GNG7: variants seen among roughly 807,000 people sequenced by gnomAD.
GNG7 encodes guanine nucleotide-binding protein G(I)/G(S)/G(O) subunit gamma-7.
Under a neutral mutation model 4.0 loss-of-function variants are expected in GNG7, and 1 was observed. The observed-to-expected ratio is 0.25, with a 90% CI of 0.09 to 1.18. The LOEUF is 1.18. Ranked by LOEUF, GNG7 falls within the 50% of genes most tolerant of loss-of-function variation. GNG7 has a pLI of 0.50. For synonymous variants in GNG7, 34 were observed against 36.9 expected (o/e 0.92, Z 0.29); for missense variants, 86 against 91.9 (o/e 0.94, Z 0.26).
chr19:2,553,178 G>C (rs923313611), intron 3 of GNG7, among the ~76,000 whole-genome samples: 1 of 147,716 alleles, frequency 6.8e-6, no homozygotes, highest in South Asian at 2.1e-4. Context: ...ACGCAGAAAC[G>C]AAAGGAGGAC....
intron 4 of GNG7, among the ~76,000 whole-genome samples, chr19:2,517,561 C>T (rs1972752896): frequency 6.6e-6 from 1 of 152,112 alleles, no homozygotes; most frequent in African/African-American, 2.4e-5. Flanking sequence ...GACGGGGTTT[C>T]ACCATGTTGG....
At chr19:2,700,783 C>T (rs956888833) in intron 1 of GNG7, 1 of 152,186 alleles carries the variant, frequency 6.6e-6, no homozygotes, top group Admixed American at 6.5e-5. Context: ...GAGGCTGGGT[C>T]GGAACACACA....
chr19:2,536,977 C>T (rs1380775760), intron 3 of GNG7, among the ~76,000 whole-genome samples: 4 of 149,574 alleles, frequency 2.7e-5, no homozygotes, highest in East Asian at 1.9e-4. Context: ...GACGGAGTCT[C>T]GCTCTGTCGC....
chr19:2,663,770 C>T (rs1353501940), intron 1 of GNG7, among the ~76,000 whole-genome samples: 1 of 152,186 alleles, frequency 6.6e-6, no homozygotes, highest in Non-Finnish European at 1.5e-5. Flanking sequence ...ATGCCAGCAC[C>T]AGTTTTTAAA....
intron 3 of GNG7, among the ~76,000 whole-genome samples, chr19:2,533,476 G>A (rs1024823882): frequency 1.3e-5 from 2 of 152,088 alleles, no homozygotes; most frequent in Admixed American, 6.6e-5. Flanking sequence ...TGTTGGTTGA[G>A]CTGTTGGTGT....
At chr19:2,696,377 G>C (rs1415775331) in intron 1 of GNG7, among the ~76,000 whole-genome samples, 1 of 150,334 alleles carries the variant, frequency 6.7e-6, no homozygotes, top group Admixed American at 6.7e-5. Context: ...AGAAAGGAAA[G>C]GAAGGGAAGA....
chr19:2,685,737 C>T (rs138936274), intron 1 of GNG7, among the ~76,000 whole-genome samples: 85 of 152,258 alleles, frequency 5.6e-4, no homozygotes, highest in Non-Finnish European at 1.0e-3. Context: ...GTGTGTCAAA[C>T]GTCGGATGCC....
chr19:2,553,383 C>CATATATATAT (rs200287140), intron 3 of GNG7, among the ~76,000 whole-genome samples: 2,834 of 127,476 alleles, frequency 0.022, 38 homozygotes, highest in South Asian at 0.027. Flanking sequence ...TGGTGCTGAG[C>CATATATATAT]ATATATATAT....
At chr19:2,616,643 GC>G (rs1350072819) in intron 2 of GNG7, among the ~76,000 whole-genome samples, 1 of 152,012 alleles carries the variant, frequency 6.6e-6, no homozygotes, top group African/African-American at 2.4e-5. Context: ...GGGCATGGTG[GC>G]GGGTGCCTGT....
chr19:2,567,630 T>A (rs1979964025), intron 2 of GNG7, among the ~76,000 whole-genome samples: 1 of 152,128 alleles, frequency 6.6e-6, no homozygotes, highest in Non-Finnish European at 1.5e-5. Context: ...TGGGCCGGTG[T>A]CCTCTGTCGT....
chr19:2,524,377 T>C (rs1005486366), intron 3 of GNG7, among the ~76,000 whole-genome samples: 3 of 152,250 alleles, frequency 2.0e-5, no homozygotes, highest in African/African-American at 7.2e-5. Flanking sequence ...ATGATGCACA[T>C]GTGACTGTAC....
At chr19:2,692,267 G>C (rs976251283) in intron 1 of GNG7, among the ~76,000 whole-genome samples, 1 of 151,638 alleles carries the variant, frequency 6.6e-6, no homozygotes, top group East Asian at 1.9e-4. Context: ...ATCTGCATTT[G>C]AACTTGGCTG....
At chr19:2,665,400 G>A (rs1355470270) in intron 1 of GNG7, among the ~76,000 whole-genome samples, 1 of 150,738 alleles carries the variant, frequency 6.6e-6, no homozygotes, top group East Asian at 2.0e-4. Context: ...GTGCTGGACA[G>A]TCCTCGCCAC....
At chr19:2,543,549 G>C (rs1460897509) in intron 3 of GNG7, among the ~76,000 whole-genome samples, 1 of 152,094 alleles carries the variant, frequency 6.6e-6, no homozygotes, top group African/African-American at 2.4e-5. Flanking sequence ...TCACAGCCCT[G>C]AGATGAGGGT....
At chr19:2,534,068 T>G (rs542963118) in intron 3 of GNG7, among the ~76,000 whole-genome samples, 6 of 152,174 alleles carry the variant, frequency 3.9e-5, no homozygotes, top group Non-Finnish European at 8.8e-5. Context: ...TTTCAGGAGT[T>G]TACTAGTGAC....
rs1023755396 is a variant in GNG7 at position 2,551,686 on chromosome 19, T to TATAC, written c.-38+3462_-38+3463insGTAT. Among the ~76,000 whole-genome samples the TATAC allele has an allele frequency of 3.7e-4, 35 of 94,826 alleles. No individual in the cohort carries two copies. In the Middle Eastern group the frequency reaches 0.013, roughly 36 times the overall value. 62.2% of individuals were successfully genotyped at this position (94,826 alleles called of 152,430 possible). ...TATATATTTAAAAAATATATATATA[T>TATAC]ACACACACATATTTTGAGACAGAGT... is the stretch of plus-strand genomic sequence containing the variant. On this transcript the variant is annotated intron_variant, in intron 3 of 4. Transcript: ENST00000382159.
chr19:2,536,276 G>A (rs183497456), intron 3 of GNG7, among the ~76,000 whole-genome samples: 1 of 152,160 alleles, frequency 6.6e-6, no homozygotes, highest in East Asian at 1.9e-4. Context: ...ACAGTAGCTG[G>A]GTGTGGTGGC....
chr19:2,550,076 G>C (rs1236696431), intron 3 of GNG7, among the ~76,000 whole-genome samples: 1 of 152,228 alleles, frequency 6.6e-6, no homozygotes, highest in Admixed American at 6.5e-5. Context: ...TGGCTGCCTT[G>C]GGTCTGGGGT....
chr19:2,692,830 A>G (rs1337525708), intron 1 of GNG7, among the ~76,000 whole-genome samples: 2 of 150,146 alleles, frequency 1.3e-5, no homozygotes, highest in Non-Finnish European at 3.0e-5. Context: ...TACAAAAGAT[A>G]CAAAAATTAG....
Sources: allele counts gnomAD v4.1 joint callset (sites outside exome capture counted in the v4.1 genomes callset), GRCh38; gene constraint gnomAD v4.1.1; transcripts MANE v1.5; gene names NCBI Gene and HGNC (gene_info 2026-07-23, HGNC 2026-07-21).